Variants in RBFOX1 observed in about 807,000 individuals in gnomAD.
The protein encoded by RBFOX1 is RNA binding protein fox-1 homolog 1.
In RBFOX1, 8 loss-of-function variants were observed where a neutral mutation model predicts 57.7. The ratio of observed to expected loss-of-function variants is 0.14; its 90% confidence interval spans 0.08 to 0.25. The LOEUF (loss-of-function observed/expected upper bound fraction) is 0.25. RBFOX1 is among the 10% of genes least tolerant of loss of function. RBFOX1 has a pLI of 1.00. For missense variants in RBFOX1, 611 were observed against 548.5 expected (o/e 1.11, Z -1.14); for synonymous variants, 326 against 222.4 (o/e 1.47, Z -4.15).
chr16:6,852,306 T>C (rs915467418), intron 3 of RBFOX1, among the ~76,000 whole-genome samples: 1 of 152,136 alleles, frequency 6.6e-6, no homozygotes, highest in Admixed American at 6.5e-5. Flanking sequence ...GCGTCTTTCT[T>C]TTAAGGATGC....
intron 3 of RBFOX1, chr16:6,774,076 T>A (rs1234856325): frequency 3.4e-6 from 3 of 885,360 alleles, no homozygotes; most frequent in Non-Finnish European, 4.1e-6. Context: ...CCCATTAATT[T>A]CCTAGCTTTA....
At chr16:5,408,514 C>G (rs2066923649) in intron 1 of RBFOX1, among the ~76,000 whole-genome samples, 1 of 152,196 alleles carries the variant, frequency 6.6e-6, no homozygotes, top group Non-Finnish European at 1.5e-5. Flanking sequence ...CGTCTGGTTT[C>G]TGAGGGATCT....
At chr16:7,083,056 G>C (rs1366512852) in intron 4 of RBFOX1, among the ~76,000 whole-genome samples, 2 of 152,162 alleles carry the variant, frequency 1.3e-5, no homozygotes, top group South Asian at 4.2e-4. Flanking sequence ...AAGGTTTTGG[G>C]AGTGACAATA....
intron 1 of RBFOX1, among the ~76,000 whole-genome samples, chr16:6,082,347 A>ATTTTTTTTTTT (rs71142677): frequency 1.5e-4 from 6 of 41,042 alleles, no homozygotes; most frequent in East Asian, 7.8e-4. Flanking sequence ...CACCTGGCTA[A>ATTTTTTTTTTT]TTTTTTTTTT....
At chr16:5,915,819 G>A (rs961078209) in intron 4 of RBFOX1, among the ~76,000 whole-genome samples, 3 of 151,608 alleles carry the variant, frequency 2.0e-5, no homozygotes, top group East Asian at 1.9e-4. Context: ...GTGACAGGGC[G>A]AGACTCAGTA....
intron 3 of RBFOX1, among the ~76,000 whole-genome samples, chr16:5,817,379 C>T (rs576511074): frequency 3.3e-5 from 5 of 152,274 alleles, no homozygotes; most frequent in Admixed American, 2.6e-4. Context: ...CACTGATATC[C>T]CATTCGTGGT....
chr16:5,663,332 G>A (rs1316480912), intron 3 of RBFOX1, among the ~76,000 whole-genome samples: 1 of 151,794 alleles, frequency 6.6e-6, no homozygotes, highest in Non-Finnish European at 1.5e-5. Flanking sequence ...CATTTCCCAG[G>A]TAGTTGAGAC....
rs561934124 is a variant in RBFOX1 at position 6,946,565 on chromosome 16, T to C, written c.-15-105492T>C. Among the ~76,000 whole-genome samples the C allele has an allele frequency of 8.5e-5, 13 of 152,284 alleles. No homozygotes were observed. The South Asian group carries it at 2.7e-3, about 32-fold the overall frequency. On this transcript the variant is annotated intron_variant, in intron 3 of 15. Transcript: ENST00000550418. ...CTTCTTTCATAAAAGCTTCTTGCAT[T>C]TAAAACCTGTTCTCCAAGAACCTTT...
At chr16:6,418,736 C>G (rs907394121) in intron 2 of RBFOX1, among the ~76,000 whole-genome samples, 1 of 152,010 alleles carries the variant, frequency 6.6e-6, no homozygotes, top group African/African-American at 2.4e-5. Flanking sequence ...CTATATTGCC[C>G]AGGCTGGTCT....
At chr16:6,275,904 A>G (rs2075752848) in intron 1 of RBFOX1, among the ~76,000 whole-genome samples, 1 of 152,240 alleles carries the variant, frequency 6.6e-6, no homozygotes, top group East Asian at 1.9e-4. Context: ...TAACCCTAAT[A>G]CTTCCCTCCC....
At chr16:6,355,429 C>G (rs2087126599) in intron 2 of RBFOX1, among the ~76,000 whole-genome samples, 1 of 152,106 alleles carries the variant, frequency 6.6e-6, no homozygotes, top group Non-Finnish European at 1.5e-5. Context: ...ATGGTGGTTT[C>G]CAGCTTCACG....
intron 2 of RBFOX1, among the ~76,000 whole-genome samples, chr16:6,502,204 C>T (rs1000234689): frequency 1.2e-4 from 18 of 152,274 alleles, no homozygotes; most frequent in African/African-American, 4.3e-4. Flanking sequence ...ATATCTTTCT[C>T]ATGGGGAGCT....
At chr16:6,016,876 A>G (rs2094996978), upstream of RBFOX1, among the ~76,000 whole-genome samples, 1 of 152,226 alleles carries the variant, frequency 6.6e-6, no homozygotes, top group Non-Finnish European at 1.5e-5. Context: ...TTCCAAATGA[A>G]TAGCATAATG....
chr16:6,980,421 C>T (rs1278890569), intron 3 of RBFOX1, among the ~76,000 whole-genome samples: 5 of 152,060 alleles, frequency 3.3e-5, no homozygotes, highest in African/African-American at 1.2e-4. Context: ...CATTTTCAAA[C>T]ACAGAAAGAT....
chr16:5,269,109 G>A (rs1165884182), intron 1 of RBFOX1, among the ~76,000 whole-genome samples: 11 of 152,154 alleles, frequency 7.2e-5, no homozygotes, highest in Admixed American at 6.5e-4. Flanking sequence ...TAGAGACAGG[G>A]TTTCACCATG....
intron 4 of RBFOX1, among the ~76,000 whole-genome samples, chr16:7,293,734 T>A (rs1258730342): frequency 6.6e-6 from 1 of 152,138 alleles, no homozygotes; most frequent in Non-Finnish European, 1.5e-5. Flanking sequence ...ACCCGATACA[T>A]CCCCAGTGTC....
intron 12 of RBFOX1, among the ~76,000 whole-genome samples, chr16:7,661,372 C>G (rs1266892079): frequency 3.3e-5 from 5 of 152,174 alleles, no homozygotes; most frequent in African/African-American, 4.8e-5. Flanking sequence ...CCCCAGCCCT[C>G]CAAGAAGCCA....
At chr16:5,824,890 G>T (rs1214605988) in intron 3 of RBFOX1, among the ~76,000 whole-genome samples, 2 of 152,142 alleles carry the variant, frequency 1.3e-5, no homozygotes, top group African/African-American at 4.8e-5. Flanking sequence ...CTTTCCTGGG[G>T]GACTCCAGTG....
intron 4 of RBFOX1, among the ~76,000 whole-genome samples, chr16:5,920,268 G>A (rs1379018930): frequency 3.9e-5 from 6 of 152,142 alleles, no homozygotes; most frequent in African/African-American, 7.2e-5. Context: ...AGGAAGTACT[G>A]TATTTCACTC....
Sources: gnomAD v4.1 joint callset for allele counts (sites outside exome capture counted in the v4.1 genomes callset) on GRCh38, gnomAD v4.1.1 for gene constraint, MANE v1.5 for transcripts, NCBI Gene and HGNC (gene_info 2026-07-23, HGNC 2026-07-21) for gene names.